The following PLCB1 variants were observed in gnomAD, a reference collection of about 807,000 sequenced individuals.
PLCB1 encodes the protein 1-phosphatidylinositol 4,5-bisphosphate phosphodiesterase beta-1.
PLCB1 carries 46 observed loss-of-function variants against 161.8 expected under a neutral mutation model. That is an observed-to-expected ratio of 0.28 (90% CI 0.22 to 0.36). The LOEUF (loss-of-function observed/expected upper bound fraction) is 0.36, where lower values mean the gene tolerates loss of function less well. Among genes scored for constraint, PLCB1 ranks in the 10% least tolerant of loss-of-function variants. The pLI, the probability that PLCB1 is intolerant of heterozygous loss-of-function variation, is 1.00. For missense variants in PLCB1, 1,016 were observed against 1,472.5 expected (o/e 0.69, Z 5.07); for synonymous variants, 517 against 503.7 (o/e 1.03, Z -0.35).
At chr20:8,543,420 G>C (rs2423373) in intron 3 of PLCB1, among the ~76,000 whole-genome samples, 66,994 of 151,490 alleles carry the variant, frequency 0.44, 15,889 homozygotes, top group African/African-American at 0.57. Context: ...AAATGTTAGA[G>C]AGGTAGAAAA....
At chr20:8,801,072 A>G (rs1984258085) in intron 31 of PLCB1, among the ~76,000 whole-genome samples, 1 of 152,132 alleles carries the variant, frequency 6.6e-6, no homozygotes, top group African/African-American at 2.4e-5. Flanking sequence ...GGCTCCCATA[A>G]TCCTCTAAAA....
At chr20:8,821,535 A>G (rs1307200411) in intron 31 of PLCB1, among the ~76,000 whole-genome samples, 1 of 81,984 alleles carries the variant, frequency 1.2e-5, no homozygotes, top group African/African-American at 5.9e-5. Context: ...ATATATATAT[A>G]TATATATATA....
intron 3 of PLCB1, among the ~76,000 whole-genome samples, chr20:8,531,415 A>G (rs573630360): frequency 6.6e-6 from 1 of 152,276 alleles, no homozygotes; most frequent in East Asian, 1.9e-4. Context: ...AAAAATGGCA[A>G]GACATAATTA....
chr20:8,536,161 T>C (rs964007770), intron 3 of PLCB1, among the ~76,000 whole-genome samples: 3 of 152,094 alleles, frequency 2.0e-5, no homozygotes, highest in African/African-American at 7.2e-5. Context: ...GAGGGGATAA[T>C]GGAGAAACAT....
rs77577032 is a variant in PLCB1 at position 8,488,491 on chromosome 20, T to C, written c.246+117041T>C. 9.5e-3 allele frequency among the ~76,000 whole-genome samples: 1,450 copies of C among 152,202 alleles called. 25 individuals carry two copies. The highest frequency in any genetic ancestry group is 0.033 in the African/African-American group (1,382 of 41,508). ...TGCTTCTGGGAAACCCAGCTAACAA[T>C]ATCGAATATGGAAACATCAAACCCC... On this transcript the variant is annotated intron_variant, in intron 3 of 31. Transcript: ENST00000338037.
At chr20:8,591,165 A>G (rs1300292176) in intron 3 of PLCB1, among the ~76,000 whole-genome samples, 1 of 152,066 alleles carries the variant, frequency 6.6e-6, no homozygotes, top group East Asian at 1.9e-4. Context: ...GTTCCTTTTT[A>G]TGGCTGCATA....
chr20:8,652,676 T>G (rs1226738940), intron 7 of PLCB1: 2 of 152,110 alleles, frequency 1.3e-5, no homozygotes, highest in Non-Finnish European at 2.9e-5. Context: ...GCTCTGTAAA[T>G]AGATATATTA....
chr20:8,355,215 G>C (rs1986325921), intron 2 of PLCB1, among the ~76,000 whole-genome samples: 1 of 151,254 alleles, frequency 6.6e-6, no homozygotes, highest in Non-Finnish European at 1.5e-5. Context: ...AGAGATAGTG[G>C]TATTTGTCTT....
chr20:8,793,332 A>G (rs775422042), intron 31 of PLCB1, among the ~76,000 whole-genome samples: 7 of 152,202 alleles, frequency 4.6e-5, no homozygotes, highest in Non-Finnish European at 8.8e-5. Context: ...AACCATGCCA[A>G]ACTTTGCCAC....
intron 26 of PLCB1, among the ~76,000 whole-genome samples, chr20:8,769,417 G>T (rs1304809179): frequency 1.3e-5 from 2 of 151,760 alleles, no homozygotes; most frequent in Non-Finnish European, 2.9e-5. Context: ...AGCATCAAAA[G>T]AAGTGAAAAA....
At chr20:8,407,292 A>G (rs1179394524) in intron 3 of PLCB1, among the ~76,000 whole-genome samples, 2 of 152,354 alleles carry the variant, frequency 1.3e-5, no homozygotes, top group South Asian at 2.1e-4. Flanking sequence ...GATAACGAGT[A>G]TCTTCCAAAG....
At chr20:8,364,003 T>C (rs771521823) in intron 2 of PLCB1, among the ~76,000 whole-genome samples, 1 of 152,214 alleles carries the variant, frequency 6.6e-6, no homozygotes, top group Non-Finnish European at 1.5e-5. Flanking sequence ...TTAAGGATAT[T>C]ATTTGACTTT....
At chr20:8,777,833 ACCG>A (rs1983020311) in intron 27 of PLCB1, among the ~76,000 whole-genome samples, 1 of 152,162 alleles carries the variant, frequency 6.6e-6, no homozygotes. Flanking sequence ...CTTAAACTTC[ACCG>A]TGACTGGGGA....
chr20:8,822,078 T>C lies in PLCB1; in HGVS notation c.3423+31817T>C, dbSNP rs74415727. Among the ~76,000 whole-genome samples the C allele has an allele frequency of 9.2e-3, 1,397 of 151,752 alleles. 21 individuals carry two copies. Among genetic ancestry groups the C allele is most frequent in the African/African-American group, 0.031 (1,276 of 41,046 alleles). ...GTGTGGCACCATCATTCTGAAAATA[T>C]CTTATTCTTGTGATTACTTGTTTAT... On this transcript the variant is annotated intron_variant, in intron 31 of 31. Coordinates refer to ENST00000338037, the MANE Select transcript of PLCB1 (RefSeq NM_015192.4).
chr20:8,154,015 A>G (rs1045805441), intron 2 of PLCB1, among the ~76,000 whole-genome samples: 1 of 152,178 alleles, frequency 6.6e-6, no homozygotes, highest in African/African-American at 2.4e-5. Flanking sequence ...CTAGTTCTCT[A>G]TTCAGAGTCA....
intron 3 of PLCB1, among the ~76,000 whole-genome samples, chr20:8,425,939 T>A (rs1227271519): frequency 6.6e-6 from 1 of 152,178 alleles, no homozygotes. Flanking sequence ...GAAACTTCCT[T>A]CTCATTTTTC....
At chr20:8,154,544 C>T (rs1395942697) in intron 2 of PLCB1, among the ~76,000 whole-genome samples, 1 of 152,060 alleles carries the variant, frequency 6.6e-6, no homozygotes, top group African/African-American at 2.4e-5. Flanking sequence ...AATGGCTGTA[C>T]CATTTTATAA....
At chr20:8,231,766 G>A (rs1284311561) in intron 2 of PLCB1, among the ~76,000 whole-genome samples, 2 of 152,130 alleles carry the variant, frequency 1.3e-5, no homozygotes, top group East Asian at 1.9e-4. Flanking sequence ...GGTGTCTCCC[G>A]TGGCCAGTTG....
chr20:8,288,758 G>A (rs769844025), intron 2 of PLCB1, among the ~76,000 whole-genome samples: 42 of 152,278 alleles, frequency 2.8e-4, no homozygotes, highest in African/African-American at 6.3e-4. Flanking sequence ...AGTGGGGCAC[G>A]GAAGTACTAA....
Sources: allele counts gnomAD v4.1 joint callset (sites outside exome capture counted in the v4.1 genomes callset), GRCh38; gene constraint gnomAD v4.1.1; transcripts MANE v1.5; gene names NCBI Gene and HGNC (gene_info 2026-07-23, HGNC 2026-07-21).